The following GRPR variants were observed in gnomAD, a reference collection of about 807,000 sequenced individuals.
GRPR encodes the protein gastrin releasing peptide receptor, also known as gastrin-releasing peptide receptor.
A neutral mutation model predicts 15.6 loss-of-function variants in GRPR; 4 were observed. That is an observed-to-expected ratio of 0.26 (90% CI 0.13 to 0.59). The LOEUF is 0.59. GRPR is among the 20% of genes least tolerant of loss of function. GRPR has a pLI of 0.90. For synonymous variants in GRPR, 128 were observed against 126.8 expected (o/e 1.01, Z -0.06); for missense variants, 270 against 304.1 (o/e 0.89, Z 0.83).
chrX:16,138,485 G>A (rs1218746961), intron 1 of GRPR, among the ~76,000 whole-genome samples: 3 of 112,139 alleles, frequency 2.7e-5, no homozygotes. Context: ...TCTCTACTAA[G>A]ATTTTACAAT....
In GRPR at chrX:16,148,290, T is replaced by C. The variant is rs55959957; in HGVS notation, c.414-2015T>C. 4.4e-3 allele frequency among the ~76,000 whole-genome samples: 497 copies of C among 111,824 alleles called. 1 individual carries two copies. The highest frequency in any genetic ancestry group is 7.0e-3 in the Non-Finnish European group (370 of 53,120). ...ACTCAGGTCTATAGCAATAATGAACTTGCAGACACTCTCTTATCTTCTATA... is the reference window on the plus strand; with the variant it reads ...ACTCAGGTCTATAGCAATAATGAACCTGCAGACACTCTCTTATCTTCTATA... On this transcript the variant is annotated intron_variant, in intron 1 of 2. Transcript: ENST00000380289.
At chrX:16,127,616 G>A (rs1054899952) in intron 1 of GRPR, among the ~76,000 whole-genome samples, 2 of 111,524 alleles carry the variant, frequency 1.8e-5, no homozygotes, top group African/African-American at 6.5e-5. Context: ...ATCCCATGTG[G>A]CATTTGGGCT....
intron 2 of GRPR, among the ~76,000 whole-genome samples, chrX:16,151,227 A>T (rs1922695761): frequency 8.9e-6 from 1 of 112,306 alleles, no homozygotes; most frequent in Admixed American, 9.4e-5. Context: ...GAGAGAGTAT[A>T]TGTAAGGCCT....
intron 1 of GRPR, among the ~76,000 whole-genome samples, chrX:16,139,833 A>G (rs1922505275): frequency 8.9e-6 from 1 of 112,303 alleles, no homozygotes; most frequent in South Asian, 3.7e-4. Context: ...TAAGAAAAAG[A>G]TGACAATAGT....
chrX:16,136,398 A>G (rs1399557241), intron 1 of GRPR, among the ~76,000 whole-genome samples: 1 of 111,130 alleles, frequency 9.0e-6, no homozygotes, highest in African/African-American at 3.3e-5. Context: ...CCCCAATTAG[A>G]TTTTAAACCC....
Position 16,149,650 on chromosome X carries a change from A to G in GRPR, c.414-655A>G, listed in dbSNP as rs946735307. 4.9e-4 allele frequency among the ~76,000 whole-genome samples: 51 copies of G among 104,957 alleles called. 1 individual carries two copies. The highest frequency in any genetic ancestry group is 4.6e-3 in the East Asian group (16 of 3,460). The allele number at this position is 104,957 out of a possible 115,157, so 91.1% of individuals were successfully genotyped here. ...ACGCAAAATGAAGGTTTTGCCAAAA[A>G]AAAAAAAAAAAAAAAAAAGCCAACC... On this transcript the variant is annotated intron_variant, in intron 1 of 2. Transcript: ENST00000380289.
intron 1 of GRPR, among the ~76,000 whole-genome samples, chrX:16,128,206 A>G (rs1221436234): frequency 8.9e-6 from 1 of 112,557 alleles, no homozygotes; most frequent in Non-Finnish European, 1.9e-5. Context: ...GATTAATCTG[A>G]AAGCATACTC....
In GRPR at chrX:16,131,849, T is replaced by A. The variant is rs188202609; in HGVS notation, c.413+7483T>A. On this transcript the variant is annotated intron_variant, in intron 1 of 2. Coordinates refer to ENST00000380289, the MANE Select transcript of GRPR (RefSeq NM_005314.3). ...GCATTAGGGTTGTTTTTGGTTTGGGTGATTATGAATAAATCTGCCATAAAC... is the reference window on the plus strand; with the variant it reads ...GCATTAGGGTTGTTTTTGGTTTGGGAGATTATGAATAAATCTGCCATAAAC... Among the ~76,000 whole-genome samples the A allele has an allele frequency of 1.7e-3, 190 of 112,700 alleles. 1 individual carries two copies. The highest frequency in any genetic ancestry group is 6.1e-3 in the African/African-American group (189 of 31,132).
At chrX:16,135,194 A>G (rs1454678206) in intron 1 of GRPR, among the ~76,000 whole-genome samples, 1 of 111,946 alleles carries the variant, frequency 8.9e-6, no homozygotes, top group Admixed American at 9.5e-5. Flanking sequence ...AGGTACATCA[A>G]AGCCTCTGGG....
Position 16,131,934 on chromosome X carries a change from A to G in GRPR, c.413+7568A>G, listed in dbSNP as rs1418207784. Among the ~76,000 whole-genome samples, 3 of 112,237 alleles carry G rather than the reference A, an allele frequency of 2.7e-5. 1 individual carries two copies. The Admixed American group carries it at 2.8e-4, about 11-fold the overall frequency. ...CATTTCTTTTGGGTAAATATCATCC[A>G]GTATTATTTTCTTGAGAATTATTTT... On this transcript the variant is annotated intron_variant, in intron 1 of 2. Transcript: ENST00000380289.
rs768318881 is a variant in GRPR, at chrX:16,127,179, T to C, written c.413+2813T>C. Reference sequence around the variant, plus strand: ...GGTTCTGAGGCATGAGTGGGGCACATAGTGATAACCATCCATCCCTGCCCC... The same window carrying C: ...GGTTCTGAGGCATGAGTGGGGCACACAGTGATAACCATCCATCCCTGCCCC... On this transcript the variant is annotated intron_variant, in intron 1 of 2. Transcript: ENST00000380289. Among the ~76,000 whole-genome samples the C allele has an allele frequency of 2.7e-5, 3 of 111,509 alleles. No homozygotes were observed. The South Asian group carries it at 1.2e-3, about 43-fold the overall frequency.
intron 1 of GRPR, among the ~76,000 whole-genome samples, chrX:16,148,060 G>A (rs1922633408): frequency 8.9e-6 from 1 of 111,748 alleles, no homozygotes; most frequent in Non-Finnish European, 1.9e-5. Flanking sequence ...ATTTTTATTT[G>A]TATTTGTTTA....
chrX:16,148,765 G>A (rs1362823927), intron 1 of GRPR, among the ~76,000 whole-genome samples: 1 of 111,441 alleles, frequency 9.0e-6, no homozygotes, highest in Non-Finnish European at 1.9e-5. Context: ...CTCATCCTCT[G>A]GTGGGTTCTC....
intron 1 of GRPR, among the ~76,000 whole-genome samples, chrX:16,133,092 C>T (rs1027446990): frequency 2.7e-5 from 3 of 111,636 alleles, no homozygotes; most frequent in Admixed American, 9.5e-5. Flanking sequence ...TCACCTGTTT[C>T]ATAATATTTT....
chrX:16,139,614 G>A (rs1922500875), intron 1 of GRPR, among the ~76,000 whole-genome samples: 2 of 111,585 alleles, frequency 1.8e-5, no homozygotes, highest in South Asian at 7.6e-4. Context: ...GAAAAATTTA[G>A]CTCATTTAAA....
intron 1 of GRPR, among the ~76,000 whole-genome samples, chrX:16,145,751 T>C: frequency 8.9e-6 from 1 of 111,938 alleles, no homozygotes; most frequent in African/African-American, 3.3e-5. Context: ...TACCAAAACA[T>C]CTCATGTGCC....
At chrX:16,145,907 G>A (rs2050242054) in intron 1 of GRPR, among the ~76,000 whole-genome samples, 2 of 112,231 alleles carry the variant, frequency 1.8e-5, no homozygotes. Context: ...TGTCATAAAA[G>A]TCAGACAGGT....
In GRPR at chrX:16,124,394, C is replaced by G. The variant is rs199841450; in HGVS notation, c.413+28C>G. ...AAGTACAGGCTGAAAGTTACATGCT[C>G]TCCAAGGGTGATAGACGCCTGGGTA... On this transcript the variant is annotated intron_variant, in intron 1 of 2. Transcript: ENST00000380289. The G allele has an allele frequency of 6.4e-5, 75 of 1,170,324 alleles. No homozygotes were observed. The African/African-American group carries it at 1.2e-3, about 19-fold the overall frequency.
chrX:16,143,098 A>T (rs1490820364), intron 1 of GRPR, among the ~76,000 whole-genome samples: 1 of 110,436 alleles, frequency 9.1e-6, no homozygotes, highest in African/African-American at 3.3e-5. Context: ...ACAGCAGAAA[A>T]GTTGGGGAAT....
Sources: gnomAD v4.1 joint callset for allele counts (sites outside exome capture counted in the v4.1 genomes callset) on GRCh38, gnomAD v4.1.1 for gene constraint, MANE v1.5 for transcripts, NCBI Gene and HGNC (gene_info 2026-07-23, HGNC 2026-07-21) for gene names.